DCLK2: variants seen among roughly 807,000 people sequenced by gnomAD.
DCLK2 encodes the protein serine/threonine-protein kinase DCLK2.
DCLK2 carries 31 observed loss-of-function variants against 78.4 expected under a neutral mutation model. The ratio of observed to expected loss-of-function variants is 0.40; its 90% confidence interval spans 0.30 to 0.53. The LOEUF is 0.53. DCLK2 is among the 20% of genes least tolerant of loss of function. The pLI, the probability that DCLK2 is intolerant of heterozygous loss-of-function variation, is 0.61. For synonymous variants in DCLK2, 407 were observed against 374.9 expected (o/e 1.09, Z -0.99); for missense variants, 872 against 973.7 (o/e 0.90, Z 1.39).
At chr4:150,228,173 G>T in intron 8 of DCLK2, among the ~76,000 whole-genome samples, 1 of 152,184 alleles carries the variant, frequency 6.6e-6, no homozygotes, top group Non-Finnish European at 1.5e-5. Flanking sequence ...CCACAATCCA[G>T]GGTTATCTCT....
At chr4:150,181,437 TC>T (rs1296121514) in intron 2 of DCLK2, among the ~76,000 whole-genome samples, 1 of 152,200 alleles carries the variant, frequency 6.6e-6, no homozygotes, top group Non-Finnish European at 1.5e-5. Flanking sequence ...TGATTGCTTC[TC>T]CTCCCAGAAT....
At chr4:150,185,519 G>C (rs1025948670) in intron 2 of DCLK2, among the ~76,000 whole-genome samples, 2 of 151,898 alleles carry the variant, frequency 1.3e-5, no homozygotes, top group African/African-American at 4.8e-5. Context: ...TTCGAGACCA[G>C]CCTGACCAAC....
At chr4:150,241,701 T>G (rs962662349) in intron 12 of DCLK2, among the ~76,000 whole-genome samples, 5 of 152,194 alleles carry the variant, frequency 3.3e-5, no homozygotes, top group South Asian at 2.1e-4. Flanking sequence ...TTCTGGAGGT[T>G]GAGAATTCCA....
At chr4:150,149,173 T>C (rs892598517) in intron 2 of DCLK2, among the ~76,000 whole-genome samples, 3 of 152,064 alleles carry the variant, frequency 2.0e-5, no homozygotes, top group Non-Finnish European at 1.5e-5. Context: ...TTAAATTTTA[T>C]CAGACCCCCC....
chr4:150,148,445 G>A (rs548308676), intron 2 of DCLK2, among the ~76,000 whole-genome samples: 5 of 152,042 alleles, frequency 3.3e-5, no homozygotes, highest in Non-Finnish European at 7.4e-5. Context: ...GTAGTAGAGT[G>A]GCTGTTAATA....
chr4:150,247,998 A>G (rs1200299346), intron 13 of DCLK2, among the ~76,000 whole-genome samples: 2 of 152,222 alleles, frequency 1.3e-5, no homozygotes, highest in Non-Finnish European at 2.9e-5. Flanking sequence ...ACAGGGATGA[A>G]CTTGTGAAAC....
At chr4:150,114,882 T>A (rs1731961065) in intron 2 of DCLK2, among the ~76,000 whole-genome samples, 1 of 152,234 alleles carries the variant, frequency 6.6e-6, no homozygotes. Flanking sequence ...GTCCTTTTTG[T>A]GATGAATCCC....
At chr4:150,167,138 T>C (rs1169885166) in intron 2 of DCLK2, among the ~76,000 whole-genome samples, 1 of 152,092 alleles carries the variant, frequency 6.6e-6, no homozygotes, top group Non-Finnish European at 1.5e-5. Flanking sequence ...TGTGCTTTCC[T>C]GATTTTAAGA....
intron 5 of DCLK2, among the ~76,000 whole-genome samples, chr4:150,217,464 T>A (rs1740808667): frequency 6.6e-6 from 1 of 152,218 alleles, no homozygotes; most frequent in Admixed American, 6.5e-5. Flanking sequence ...CTCAGATTTG[T>A]GCTGTAGCAA....
chr4:150,218,538 C>T (rs1406310835), intron 5 of DCLK2, among the ~76,000 whole-genome samples: 1 of 152,162 alleles, frequency 6.6e-6, no homozygotes, highest in African/African-American at 2.4e-5. Context: ...TACCTGCTTC[C>T]AGGACAGATG....
intron 2 of DCLK2, among the ~76,000 whole-genome samples, chr4:150,132,073 C>T (rs534159672): frequency 2.6e-5 from 4 of 151,950 alleles, no homozygotes; most frequent in Admixed American, 6.6e-5. Context: ...TATCCTTGTG[C>T]TCTCTTGAGG....
chr4:150,236,764 T>C (rs989275312), intron 10 of DCLK2, among the ~76,000 whole-genome samples: 18 of 152,206 alleles, frequency 1.2e-4, no homozygotes, highest in East Asian at 5.8e-4. Flanking sequence ...GTGTCCAGCA[T>C]TGGGGAGAGA....
intron 1 of DCLK2, among the ~76,000 whole-genome samples, chr4:150,093,954 A>C (rs985570310): frequency 6.6e-6 from 1 of 152,230 alleles, no homozygotes; most frequent in East Asian, 1.9e-4. Flanking sequence ...AAGAATACAC[A>C]ATGGGGAAAG....
At chr4:150,161,609 A>G (rs2150244996) in intron 2 of DCLK2, among the ~76,000 whole-genome samples, 1 of 152,322 alleles carries the variant, frequency 6.6e-6, no homozygotes, top group South Asian at 2.1e-4. Flanking sequence ...TTTCTAATAT[A>G]TTAACAGTTT....
chr4:150,220,585 G>C (rs536751815), intron 5 of DCLK2, 118 bp from the exon 6 acceptor site: 1 of 719,568 alleles, frequency 1.4e-6, no homozygotes, highest in African/African-American at 1.8e-5. Context: ...GAAAGGGAAC[G>C]CCTCCTCGGT....
rs1742771397 is a variant in DCLK2, at chr4:150,239,792, G to C, written c.1617G>C (p.Gly539=). 3 of 1,614,184 alleles carry C rather than the reference G, an allele frequency of 1.9e-6. No individual in the cohort carries two copies. In the East Asian group the frequency reaches 6.7e-5, roughly 36 times the overall value. The change falls in exon 11 of 16, where the codon GGG becomes GGC. Residue 539 remains glycine, a synonymous_variant. Coordinates refer to ENST00000296550, the MANE Select transcript of DCLK2 (RefSeq NM_001040260.4). ...GTKSLKLGDF[G]LATVVEGPLY... ...AGTCTTTGAAACTGGGAGACTTTGG[G>C]CTTGCGACTGTGGTAGAAGGCCCTT...
intron 15 of DCLK2, chr4:150,253,616 T>C: frequency 7.8e-7 from 1 of 1,282,876 alleles, no homozygotes; most frequent in Non-Finnish European, 1.0e-6. Context: ...CACGCCTGCA[T>C]GCTTGTCTCA....
intron 12 of DCLK2, among the ~76,000 whole-genome samples, chr4:150,241,855 G>A (rs1331762334): frequency 6.6e-6 from 1 of 152,118 alleles, no homozygotes; most frequent in Non-Finnish European, 1.5e-5. Flanking sequence ...TTATTCATGA[G>A]AGCTCCACCC....
chr4:150,248,191 G>T, intron 13 of DCLK2, 114 bp from the exon 14 acceptor site: 3 of 806,152 alleles, frequency 3.7e-6, no homozygotes, highest in Non-Finnish European at 6.2e-6. Flanking sequence ...GAATCAGTTA[G>T]CAGCTGTGCT....
Sources: gnomAD v4.1 joint callset for allele counts (sites outside exome capture counted in the v4.1 genomes callset) on GRCh38, gnomAD v4.1.1 for gene constraint, MANE v1.5 for transcripts, NCBI Gene and HGNC (gene_info 2026-07-23, HGNC 2026-07-21) for gene names.